The following GRXCR1 variants were observed in gnomAD, a reference collection of about 807,000 sequenced individuals.
GRXCR1 encodes glutaredoxin domain-containing cysteine-rich protein 1.
GRXCR1 carries 27 observed loss-of-function variants against 27.3 expected under a neutral mutation model. The ratio of observed to expected loss-of-function variants is 0.99; its 90% confidence interval spans 0.73 to 1.37. GRXCR1 has a LOEUF of 1.37. Among genes scored for constraint, GRXCR1 ranks in the 40% most tolerant of loss-of-function variants. The pLI, the probability that GRXCR1 is intolerant of heterozygous loss-of-function variation, is 0.00. For synonymous variants in GRXCR1, 122 were observed against 131.1 expected, an observed-to-expected ratio of 0.93 and a Z score of 0.47; for missense variants, 379 against 354.4, an observed-to-expected ratio of 1.07 and a Z score of -0.56.
intron 1 of GRXCR1, among the ~76,000 whole-genome samples, chr4:42,935,599 A>C (rs1392647154): frequency 6.6e-6 from 1 of 151,896 alleles, no homozygotes; most frequent in African/African-American, 2.4e-5. Context: ...TAAGATCCAG[A>C]TATACAAAGA....
At chr4:42,913,742 T>G (rs1302427417) in intron 1 of GRXCR1, among the ~76,000 whole-genome samples, 1 of 152,130 alleles carries the variant, frequency 6.6e-6, no homozygotes, top group Non-Finnish European at 1.5e-5. Context: ...TGGCAGCCTG[T>G]CCCATCACAG....
chr4:42,918,867 G>A (rs1027001827), intron 1 of GRXCR1, among the ~76,000 whole-genome samples: 4 of 152,064 alleles, frequency 2.6e-5, no homozygotes, highest in Admixed American at 2.0e-4. Flanking sequence ...AAATTAAAAA[G>A]CGAGTGGAGT....
intron 1 of GRXCR1, among the ~76,000 whole-genome samples, chr4:42,907,261 G>T (rs546426457): frequency 6.6e-6 from 1 of 152,068 alleles, no homozygotes; most frequent in African/African-American, 2.4e-5. Flanking sequence ...ATTACTAAGG[G>T]GTCTGGGAAC....
chr4:42,970,681 C>T (rs779427835), intron 2 of GRXCR1, among the ~76,000 whole-genome samples: 25 of 152,136 alleles, frequency 1.6e-4, no homozygotes, highest in Non-Finnish European at 2.8e-4. Flanking sequence ...TTATTTTTTC[C>T]TCCTAGGCCT....
chr4:42,995,463 C>T (rs1712124317), intron 2 of GRXCR1, among the ~76,000 whole-genome samples: 1 of 152,078 alleles, frequency 6.6e-6, no homozygotes, highest in Non-Finnish European at 1.5e-5. Flanking sequence ...GGAAAAGAAG[C>T]AGCAAATATT....
At chr4:42,898,997 A>T (rs1460786262) in intron 1 of GRXCR1, among the ~76,000 whole-genome samples, 1 of 152,142 alleles carries the variant, frequency 6.6e-6, no homozygotes, top group Non-Finnish European at 1.5e-5. Context: ...ACTGATATTT[A>T]TGCACAATTA....
intron 1 of GRXCR1, among the ~76,000 whole-genome samples, chr4:42,956,916 G>T (rs1748017534): frequency 6.6e-6 from 1 of 152,044 alleles, no homozygotes; most frequent in Admixed American, 6.6e-5. Flanking sequence ...TCTCGTTGCT[G>T]TAGGGTAAAA....
intron 2 of GRXCR1, among the ~76,000 whole-genome samples, chr4:42,999,633 C>T (rs1052249946): frequency 2.6e-5 from 4 of 152,224 alleles, no homozygotes; most frequent in Non-Finnish European, 5.9e-5. Flanking sequence ...CTCAAGATAT[C>T]CCAAGATCAG....
At chr4:42,898,784 T>C (rs1190607419) in intron 1 of GRXCR1, among the ~76,000 whole-genome samples, 1 of 151,354 alleles carries the variant, frequency 6.6e-6, no homozygotes, top group Non-Finnish European at 1.5e-5. Flanking sequence ...TAAAATGTTA[T>C]GTATCCTGAG....
chr4:42,971,618 C>G (rs536529458), intron 2 of GRXCR1, among the ~76,000 whole-genome samples: 24 of 152,136 alleles, frequency 1.6e-4, no homozygotes, highest in African/African-American at 5.8e-4. Context: ...CTCAGGAGAA[C>G]TCACTCACTG....
intron 2 of GRXCR1, among the ~76,000 whole-genome samples, chr4:43,005,616 G>T (rs1712531679): frequency 6.6e-6 from 1 of 152,096 alleles, no homozygotes; most frequent in Admixed American, 6.6e-5. Context: ...TAAACACCAA[G>T]GGTTCAAGCC....
chr4:42,992,573 T>C (rs1198824491), intron 2 of GRXCR1, among the ~76,000 whole-genome samples: 2 of 152,136 alleles, frequency 1.3e-5, no homozygotes, highest in African/African-American at 2.4e-5. Flanking sequence ...AAAAGAGTGA[T>C]AATCAGATTT....
chr4:42,968,207 G>A (rs543968636), intron 2 of GRXCR1, among the ~76,000 whole-genome samples: 2 of 152,158 alleles, frequency 1.3e-5, no homozygotes, highest in African/African-American at 4.8e-5. Flanking sequence ...ACACAGCTTG[G>A]AAAACGTGTC....
At chr4:42,923,847 T>A (rs1747080438) in intron 1 of GRXCR1, among the ~76,000 whole-genome samples, 1 of 151,890 alleles carries the variant, frequency 6.6e-6, no homozygotes, top group African/African-American at 2.4e-5. Context: ...GCTTCCGGGG[T>A]GGTACTTTCA....
intron 1 of GRXCR1, among the ~76,000 whole-genome samples, chr4:42,947,718 T>G (rs1355497581): frequency 6.6e-6 from 1 of 152,100 alleles, no homozygotes; most frequent in Admixed American, 6.6e-5. Context: ...CAGAAACAAT[T>G]CCCAATGTTT....
At chr4:42,987,277 T>TAGAG (rs1181869530) in intron 2 of GRXCR1, among the ~76,000 whole-genome samples, 116 of 104,230 alleles carry the variant, frequency 1.1e-3, no homozygotes, top group South Asian at 8.9e-3. Context: ...TATATATATA[T>TAGAG]AGAGAGAGAG....
intron 1 of GRXCR1, among the ~76,000 whole-genome samples, chr4:42,929,072 C>T (rs1319338949): frequency 1.3e-5 from 2 of 151,950 alleles, no homozygotes; most frequent in Admixed American, 6.6e-5. Flanking sequence ...TATTTGGTTG[C>T]AAAAATTGCA....
chr4:42,928,707 T>A (rs1206119358), intron 1 of GRXCR1, among the ~76,000 whole-genome samples: 1 of 151,920 alleles, frequency 6.6e-6, no homozygotes, highest in Non-Finnish European at 1.5e-5. Context: ...GCCACAGCCT[T>A]TACTGGTGTT....
chr4:42,962,460 G>T (rs946598865), intron 1 of GRXCR1, among the ~76,000 whole-genome samples: 24 of 151,878 alleles, frequency 1.6e-4, no homozygotes, highest in Admixed American at 1.5e-3. Flanking sequence ...TGTACAATTG[G>T]ATAAATTGAT....
Sources: gnomAD v4.1 joint callset for allele counts (sites outside exome capture counted in the v4.1 genomes callset) on GRCh38, gnomAD v4.1.1 for gene constraint, MANE v1.5 for transcripts, NCBI Gene and HGNC (gene_info 2026-07-23, HGNC 2026-07-21) for gene names.